The following WASF1 variants were observed in gnomAD, a reference collection of about 807,000 sequenced individuals.
The protein encoded by WASF1 is actin-binding protein WASF1.
In WASF1, 7 loss-of-function variants were observed where a neutral mutation model predicts 50.5. That is an observed-to-expected ratio of 0.14 (90% confidence interval 0.08 to 0.26). The LOEUF (loss-of-function observed/expected upper bound fraction) is 0.26, where lower values mean the gene tolerates loss of function less well. Ranked by LOEUF, WASF1 falls within the 10% of genes least tolerant of loss-of-function variation. The pLI is 1.00. For missense variants in WASF1, 470 were observed against 694.7 expected, an observed-to-expected ratio of 0.68 and a Z score of 3.64; for synonymous variants, 205 against 244.0, an observed-to-expected ratio of 0.84 and a Z score of 1.49.
intron 4 of WASF1, among the ~76,000 whole-genome samples, chr6:110,119,583 A>C (rs1393298374): frequency 6.6e-6 from 1 of 152,174 alleles, no homozygotes; most frequent in African/African-American, 2.4e-5. Context: ...AGGACCAGAC[A>C]GATGCACAGC....
At chr6:110,105,090 C>T (rs1359534338) in intron 8 of WASF1, among the ~76,000 whole-genome samples, 2 of 152,168 alleles carry the variant, frequency 1.3e-5, no homozygotes, top group African/African-American at 4.8e-5. Flanking sequence ...AGACCCTAAA[C>T]TTTTATTACA....
chr6:110,123,432 C>T (rs112472267), intron 4 of WASF1, among the ~76,000 whole-genome samples: 2,631 of 152,150 alleles, frequency 0.017, 74 homozygotes, highest in African/African-American at 0.059. Context: ...GAAGAAGATC[C>T]CTGCCATTAC....
chr6:110,145,435 A>C (rs577487787), intron 3 of WASF1, among the ~76,000 whole-genome samples: 1 of 152,240 alleles, frequency 6.6e-6, no homozygotes, highest in South Asian at 2.1e-4. Context: ...TCTTTTCCTA[A>C]TTGAATGCCC....
rs778967418 is a variant in WASF1, at chr6:110,108,524, C to G, written c.422+4G>C. ...ATAGGGCTACTATTTATTAACCTAC[C>G]TACCTATAAGGAGTGAGTATATTGA... On this transcript the variant is annotated splice_donor_region_variant and intron_variant, in intron 6 of 10. Transcript: ENST00000392589. 6 of 1,602,080 alleles carry G rather than the reference C, an allele frequency of 3.7e-6. No homozygotes were observed. The Middle Eastern group carries it at 5.0e-4, about 134-fold the overall frequency.
At chr6:110,166,063 C>T (rs1776465475) in intron 2 of WASF1, among the ~76,000 whole-genome samples, 1 of 151,520 alleles carries the variant, frequency 6.6e-6, no homozygotes, top group Non-Finnish European at 1.5e-5. Flanking sequence ...GATGGGAAAA[C>T]AGAATCATTC....
At chr6:110,124,272 C>CTATATATA (rs1416564445) in intron 4 of WASF1, among the ~76,000 whole-genome samples, 19 of 42,658 alleles carry the variant, frequency 4.5e-4, no homozygotes, top group African/African-American at 9.9e-4. Context: ...CTCTCTCTCT[C>CTATATATA]TCTATATATA....
At chr6:110,177,079 A>G (rs983901524) in intron 2 of WASF1, 16 of 152,062 alleles carry the variant, frequency 1.1e-4, no homozygotes, top group African/African-American at 3.9e-4. Flanking sequence ...GTCTTATACA[A>G]TATTAAAACT....
At chr6:110,131,936 C>T (rs1025527829) in intron 3 of WASF1, among the ~76,000 whole-genome samples, 2 of 152,180 alleles carry the variant, frequency 1.3e-5, no homozygotes, top group Non-Finnish European at 2.9e-5. Flanking sequence ...AACACATACA[C>T]CCACCTCTAC....
chr6:110,140,174 A>G (rs1396281012), intron 3 of WASF1, among the ~76,000 whole-genome samples: 1 of 152,188 alleles, frequency 6.6e-6, no homozygotes, highest in Non-Finnish European at 1.5e-5. Flanking sequence ...CCAAAGGTTT[A>G]TTCAATCATG....
chr6:110,108,792 T>A, intron 5 of WASF1, 111 bp from the exon 6 acceptor site: 1 of 955,954 alleles, frequency 1.0e-6, no homozygotes, highest in Non-Finnish European at 1.5e-6. Context: ...CAAGAGGTTG[T>A]GACCTTAGTG....
intron 3 of WASF1, among the ~76,000 whole-genome samples, chr6:110,129,197 T>C (rs1246647839): frequency 2.0e-5 from 3 of 152,206 alleles, no homozygotes; most frequent in African/African-American, 7.2e-5. Flanking sequence ...CAGCAAAGCA[T>C]GCATCTGTTG....
intron 4 of WASF1, among the ~76,000 whole-genome samples, chr6:110,113,673 T>C (rs1773670864): frequency 6.6e-6 from 1 of 152,316 alleles, no homozygotes; most frequent in East Asian, 1.9e-4. Flanking sequence ...CGTTTAACTG[T>C]AATAGTCCAC....
At chr6:110,126,315 G>GA (rs1001250162) in intron 4 of WASF1, among the ~76,000 whole-genome samples, 3 of 151,782 alleles carry the variant, frequency 2.0e-5, no homozygotes, top group African/African-American at 7.3e-5. Flanking sequence ...TCACTAACCT[G>GA]AAAAAAATGA....
At chr6:110,154,719 GAACA>G (rs903392369) in intron 3 of WASF1, among the ~76,000 whole-genome samples, 6 of 151,822 alleles carry the variant, frequency 4.0e-5, no homozygotes, top group South Asian at 2.1e-4. Flanking sequence ...CTTTATATAG[GAACA>G]AACAAACACA....
rs878952118 is a variant in WASF1, at chr6:110,103,528, C to T, written c.743G>A (p.Gly248Glu). 6.2e-7 allele frequency: 1 copy of T among 1,613,474 alleles called. No individual in the cohort carries two copies. The highest frequency in any genetic ancestry group is 1.3e-5 in the African/African-American group (1 of 75,020). Residue 248 changes from glycine (G) to glutamate (E), a missense_variant, in exon 9 of 11, where the codon GGA (glycine) becomes GAA (glutamate). By Grantham distance (98) the Gly-to-Glu change is moderately conservative (BLOSUM62 -2). Coordinates refer to ENST00000392589, the MANE Select transcript of WASF1 (RefSeq NM_003931.3). The part of the protein sequence containing the change: ...RPQTYVDHMD[G>E]SYSLSALPFS... ...TGGCAAGGCAGAAAGTGAGTAAGAT[C>T]CATCCATATGATCCACGTATGTCTG...
At chr6:110,135,721 C>CTTT (rs139834112) in intron 3 of WASF1, among the ~76,000 whole-genome samples, 883 of 73,518 alleles carry the variant, frequency 0.012, 33 homozygotes, top group African/African-American at 0.03. Flanking sequence ...GGAAGATTAT[C>CTTT]TTTTTTTTTT....
intron 2 of WASF1, among the ~76,000 whole-genome samples, chr6:110,163,842 A>G (rs1776361539): frequency 6.6e-6 from 1 of 151,644 alleles, no homozygotes; most frequent in African/African-American, 2.4e-5. Flanking sequence ...TAATCAAGAC[A>G]GTGTAGTTTT....
rs1773036448 is a variant in WASF1 at position 110,100,574 on chromosome 6, T to C, written c.1628A>G (p.Tyr543Cys). ...TTCTGAATCATCTTCCGAATCACTA[T>C]ATTCAACAGCAATACGGCGAGACAG... is the stretch of plus-strand genomic sequence containing the variant. ...TILSRRIAVEYSDSEDDSEFD... is the reference protein window; with the variant it reads ...TILSRRIAVECSDSEDDSEFD... The change falls in exon 11 of 11, where the codon TAT (tyrosine) becomes TGT (cysteine). Residue 543 changes from tyrosine to cysteine, a missense_variant. Tyr to Cys is a radical substitution (Grantham distance 194). Coordinates refer to ENST00000392589, the MANE Select transcript of WASF1 (RefSeq NM_003931.3). The C allele has an allele frequency of 6.2e-7, 1 of 1,613,606 alleles. No homozygotes were observed. The highest frequency in any genetic ancestry group is 1.7e-5 in the Admixed American group (1 of 59,938).
At position 110,105,618 on chromosome 6, in the gene WASF1, C is replaced by G; in HGVS notation, c.541-39G>C. 4 of 1,588,124 alleles carry G rather than the reference C, an allele frequency of 2.5e-6. No individual in the cohort carries two copies. The South Asian group carries it at 4.5e-5, about 18-fold the overall frequency. ...ATTGAAACAAAGTCAAATGCTTAAG[C>G]GCTAATTTTTAAAAAGGAGGTTATA... On this transcript the variant is annotated intron_variant, in intron 7 of 10. Transcript: ENST00000392589.
Sources: allele counts gnomAD v4.1 joint callset (sites outside exome capture counted in the v4.1 genomes callset), GRCh38; gene constraint gnomAD v4.1.1; transcripts MANE v1.5; gene names NCBI Gene and HGNC (gene_info 2026-07-23, HGNC 2026-07-21).